The following TMEM87A variants were observed in gnomAD, a reference collection of about 807,000 sequenced individuals.
The protein encoded by TMEM87A is Golgi-pH regulating cation channel.
A neutral mutation model predicts 90.0 loss-of-function variants in TMEM87A; 50 were observed. That is an observed-to-expected ratio of 0.56 (90% confidence interval 0.44 to 0.70). TMEM87A has a LOEUF of 0.70. Among genes scored for constraint, TMEM87A ranks in the 30% least tolerant of loss-of-function variants. The probability of loss-of-function intolerance (pLI) is 0.00; values close to 1 mark genes in which losing one functional copy is unlikely to be tolerated. For missense variants in TMEM87A, 577 were observed against 660.5 expected (o/e 0.87, Z 1.39); for synonymous variants, 226 against 226.7 (o/e 1.00, Z 0.03).
intron 6 of TMEM87A, among the ~76,000 whole-genome samples, chr15:42,259,430 G>C (rs2051248227): frequency 6.6e-6 from 1 of 152,160 alleles, no homozygotes; most frequent in Admixed American, 6.5e-5. Flanking sequence ...GATCACCTGA[G>C]CTGTCTGGCA....
At chr15:42,268,234 T>C (rs954474298) in intron 2 of TMEM87A, among the ~76,000 whole-genome samples, 3 of 152,144 alleles carry the variant, frequency 2.0e-5, no homozygotes, top group Non-Finnish European at 4.4e-5. Flanking sequence ...CATAGAAAAA[T>C]AGCAGGTAAG....
chr15:42,240,189 C>T (rs77639609), intron 7 of TMEM87A, among the ~76,000 whole-genome samples: 1,641 of 152,230 alleles, frequency 0.011, 31 homozygotes, highest in African/African-American at 0.038. Context: ...CTTTCCTCAC[C>T]TGTATTTTCC....
chr15:42,224,368 A>G (rs374226258), intron 15 of TMEM87A: 3 of 152,236 alleles, frequency 2.0e-5, no homozygotes, highest in East Asian at 3.8e-4. Flanking sequence ...ACACTGCCCA[A>G]TAAAAATCTT....
rs534314140 is a variant in TMEM87A at position 42,221,762 on chromosome 15, T to A, written c.1404-1627A>T. On this transcript the variant is annotated intron_variant, in intron 15 of 19. Transcript: ENST00000389834. ...TTCAACACCAAAGGCTTTTAAAAAA[T>A]TTTTTTGAGACAGGGTCTTGCTCTG... Among the ~76,000 whole-genome samples the A allele has an allele frequency of 7.3e-3, 1,105 of 152,122 alleles. 14 individuals are homozygous for A. Among genetic ancestry groups the A allele is most frequent in the African/African-American group, 0.024 (990 of 41,480 alleles).
intron 10 of TMEM87A, among the ~76,000 whole-genome samples, chr15:42,235,835 C>A (rs2050759740): frequency 6.6e-6 from 1 of 152,210 alleles, no homozygotes; most frequent in South Asian, 2.1e-4. Flanking sequence ...TTTGTCCCCT[C>A]CCTCCACAAA....
chr15:42,240,578 T>A (rs1172679791), intron 7 of TMEM87A, among the ~76,000 whole-genome samples: 2 of 152,182 alleles, frequency 1.3e-5, no homozygotes, highest in Admixed American at 6.5e-5. Flanking sequence ...AAAGCAAACA[T>A]TGACTAATTT....
chr15:42,225,544 G>C (rs1215793153), intron 15 of TMEM87A, among the ~76,000 whole-genome samples: 1 of 152,120 alleles, frequency 6.6e-6, no homozygotes, highest in Non-Finnish European at 1.5e-5. Context: ...TATATCTTCT[G>C]TTTTCTTTGA....
At position 42,230,222 on chromosome 15, in the gene TMEM87A, T is replaced by C. The variant is rs1167621286; in HGVS notation, c.1131+970A>G. Among the ~76,000 whole-genome samples the C allele has an allele frequency of 3.3e-5, 5 of 152,342 alleles. No individual in the cohort carries two copies. In the East Asian group the frequency reaches 9.6e-4, roughly 29 times the overall value. On this transcript the variant is annotated intron_variant, in intron 12 of 19. Coordinates refer to ENST00000389834, the MANE Select transcript of TMEM87A (RefSeq NM_015497.5). ...GCTGTTACCTAGTCATTGGGTTATC[T>C]TACTGTACAATCCATTCCCACCTCC...
At position 42,262,573 on chromosome 15, in the gene TMEM87A, G is replaced by A. The variant is rs545239507; in HGVS notation, c.406-1324C>T. Among the ~76,000 whole-genome samples, 333 of 151,560 alleles carry A rather than the reference G, an allele frequency of 2.2e-3. 1 individual carries two copies. Among genetic ancestry groups the A allele is most frequent in the African/African-American group, 7.5e-3 (310 of 41,262 alleles). On this transcript the variant is annotated intron_variant, in intron 4 of 19. Transcript: ENST00000389834. ...CGAGTAGCTGGGATTACAGGTACCC[G>A]CCACCATGCCCGGCTAATTTTTTTG...
chr15:42,218,772 AT>A (rs2050423268), intron 17 of TMEM87A: 1 of 169,298 alleles, frequency 5.9e-6, no homozygotes, highest in Non-Finnish European at 1.3e-5. Flanking sequence ...ATAGTATTCC[AT>A]TGTATATCAA....
At chr15:42,217,860 G>A (rs775838989) in intron 18 of TMEM87A, 27 bp from the exon 19 acceptor site, 2 of 1,608,212 alleles carry the variant, frequency 1.2e-6, no homozygotes, top group East Asian at 2.2e-5. Context: ...ATACTAAATT[G>A]AACAATGTAA....
intron 7 of TMEM87A, among the ~76,000 whole-genome samples, chr15:42,243,045 T>A (rs1394649090): frequency 2.6e-5 from 4 of 151,988 alleles, no homozygotes; most frequent in African/African-American, 9.7e-5. Context: ...GGCAGGCGGA[T>A]CACAAGGTCA....
intron 1 of TMEM87A, chr15:42,272,909 G>A (rs892262121): frequency 1.8e-5 from 9 of 494,156 alleles, no homozygotes; most frequent in African/African-American, 3.9e-5. Context: ...TATCCAACCC[G>A]GGGACACTGG....
rs564625270 is a variant in TMEM87A at position 42,260,148 on chromosome 15, C to T, written c.504+810G>A. On this transcript the variant is annotated intron_variant, in intron 6 of 19. Coordinates refer to ENST00000389834, the MANE Select transcript of TMEM87A (RefSeq NM_015497.5). ...AGCACTTTGGGAGGCTGAAGTGAGA[C>T]TATTACTTGAGCCTAGGAGTTCTAT... Among the ~76,000 whole-genome samples, 14 of 152,238 alleles carry T rather than the reference C, an allele frequency of 9.2e-5. No individual in the cohort carries two copies. In the South Asian group the frequency reaches 1.9e-3, roughly 20 times the overall value.
At chr15:42,215,184 A>T (rs1350041206) in intron 19 of TMEM87A, among the ~76,000 whole-genome samples, 1 of 152,218 alleles carries the variant, frequency 6.6e-6, no homozygotes, top group Non-Finnish European at 1.5e-5. Context: ...AAAGTTATCT[A>T]AACATTGAAA....
Position 42,236,305 on chromosome 15 carries a change from G to A in TMEM87A, c.968+15C>T, listed in dbSNP as rs766878634. The A allele has an allele frequency of 7.5e-6, 12 of 1,607,138 alleles. No individual in the cohort carries two copies. In the African/African-American group the frequency reaches 1.6e-4, roughly 21 times the overall value. ...CATTTTAATTTGCTCTTCCATACAG[G>A]AAGTTAATACTTACTTGACGATGCC... On this transcript the variant is annotated intron_variant, in intron 10 of 19. Transcript: ENST00000389834.
intron 10 of TMEM87A, among the ~76,000 whole-genome samples, chr15:42,235,586 T>C (rs1419266242): frequency 1.3e-5 from 2 of 152,192 alleles, no homozygotes. Flanking sequence ...ATCTGATCCA[T>C]CAGCAAATTC....
In TMEM87A at chr15:42,233,254, G is replaced by T; in HGVS notation, c.1021C>A (p.Leu341Ile). ...ACCCCTTCCATGCCAGAGAACAAAA[G>T]ATAGAGGGCTCCTGCTACTACAACC... is the stretch of plus-strand genomic sequence containing the variant. ...HKVVVAGALYLLFSGMEGVLR... is the reference protein window; with the variant it reads ...HKVVVAGALYILFSGMEGVLR... The change falls in exon 11 of 20, where the codon CTT (leucine) becomes ATT (isoleucine). Residue 341 changes from leucine to isoleucine, a missense_variant. Transcript: ENST00000389834. 6.2e-7 allele frequency: 1 copy of T among 1,614,010 alleles called. No individual in the cohort carries two copies. The highest frequency in any genetic ancestry group is 1.1e-5 in the South Asian group (1 of 91,080).
At position 42,228,803 on chromosome 15, in the gene TMEM87A, A is replaced by G. The variant is rs1160086635; in HGVS notation, c.1149T>C (p.Thr383=). ...GAAGTTTTAATAGCTTCATTGTTTG[A>G]GTCAGGCTAATAAATATGTGTTTGC... ...ALCWWIFISL[T]QTMKLLKLRR... is the part of the protein sequence containing the mutation. Residue 383 remains threonine, a synonymous_variant, in exon 13 of 20, where the codon ACT becomes ACC. Transcript: ENST00000389834. 6.3e-7 allele frequency: 1 copy of G among 1,596,442 alleles called. No individual in the cohort carries two copies. Among genetic ancestry groups the G allele is most frequent in the Non-Finnish European group, 8.5e-7 (1 of 1,173,570 alleles).
Sources: allele counts gnomAD v4.1 joint callset (sites outside exome capture counted in the v4.1 genomes callset), GRCh38; gene constraint gnomAD v4.1.1; transcripts MANE v1.5; gene names NCBI Gene and HGNC (gene_info 2026-07-23, HGNC 2026-07-21).